LRP1B: variants seen among roughly 807,000 people sequenced by gnomAD.
The protein encoded by LRP1B is low-density lipoprotein receptor-related protein 1B.
LRP1B carries 217 observed loss-of-function variants against 556.6 expected under a neutral mutation model. The ratio of observed to expected loss-of-function variants is 0.39; its 90% CI spans 0.35 to 0.44. The LOEUF is 0.44. LRP1B is among the 20% of genes least tolerant of loss of function. LRP1B has a pLI of 1.00. For missense variants in LRP1B, 5,053 were observed against 5,620.8 expected, an observed-to-expected ratio of 0.90 and a Z score of 3.23; for synonymous variants, 2,047 against 1,865.8, an observed-to-expected ratio of 1.10 and a Z score of -2.50.
intron 40 of LRP1B, among the ~76,000 whole-genome samples, chr2:140,701,318 T>A (rs776859692): frequency 3.3e-5 from 5 of 152,134 alleles, no homozygotes; most frequent in Admixed American, 6.6e-5. Flanking sequence ...ATTAACAGCA[T>A]CACCTTTGGG....
chr2:142,115,498 TAA>T (rs1491563228), intron 1 of LRP1B, among the ~76,000 whole-genome samples: 4 of 91,134 alleles, frequency 4.4e-5, no homozygotes, highest in Non-Finnish European at 8.4e-5. Flanking sequence ...TAATTATATA[TAA>T]TATATATTAT....
At chr2:141,276,178 G>C (rs1685275854) in intron 3 of LRP1B, among the ~76,000 whole-genome samples, 1 of 152,004 alleles carries the variant, frequency 6.6e-6, no homozygotes, top group Non-Finnish European at 1.5e-5. Flanking sequence ...CAAAACACTT[G>C]TAATATTTAA....
chr2:141,648,807 C>G (rs1309236208), intron 2 of LRP1B, among the ~76,000 whole-genome samples: 1 of 152,168 alleles, frequency 6.6e-6, no homozygotes, highest in African/African-American at 2.4e-5. Flanking sequence ...ATTGCCAAAG[C>G]CTTCGAGGAC....
At chr2:141,384,530 G>T (rs1689760559) in intron 3 of LRP1B, among the ~76,000 whole-genome samples, 1 of 152,084 alleles carries the variant, frequency 6.6e-6, no homozygotes. Context: ...TTTCTGGGGT[G>T]CCAGATGAGT....
intron 2 of LRP1B, among the ~76,000 whole-genome samples, chr2:141,760,644 G>A (rs1247743936): frequency 6.6e-6 from 1 of 152,158 alleles, no homozygotes. Context: ...TTAAGGTTGG[G>A]TCATGGATTG....
intron 2 of LRP1B, among the ~76,000 whole-genome samples, chr2:141,582,524 A>C (rs1365827611): frequency 6.6e-6 from 1 of 152,216 alleles, no homozygotes; most frequent in Non-Finnish European, 1.5e-5. Flanking sequence ...CCAGAGAGAA[A>C]ATGAGAAATA....
intron 16 of LRP1B, among the ~76,000 whole-genome samples, chr2:140,991,874 A>G (rs1024072920): frequency 2.6e-5 from 4 of 152,120 alleles, no homozygotes; most frequent in Non-Finnish European, 5.9e-5. Context: ...AAAAGGGTAA[A>G]TGGATGCATA....
chr2:141,247,104 A>T, intron 5 of LRP1B, 122 bp downstream of exon 5: 1 of 1,116,196 alleles, frequency 9.0e-7, no homozygotes, highest in South Asian at 1.4e-5. Flanking sequence ...GTGTATTAAA[A>T]TGAAAGCAAA....
chr2:140,976,489 TC>T (rs1218102088), intron 18 of LRP1B, among the ~76,000 whole-genome samples: 1 of 147,060 alleles, frequency 6.8e-6, no homozygotes, highest in African/African-American at 2.6e-5. Flanking sequence ...CATTGAACTA[TC>T]TTTTTTTTTT....
At chr2:141,635,430 C>G (rs1219503977) in intron 2 of LRP1B, among the ~76,000 whole-genome samples, 1 of 152,056 alleles carries the variant, frequency 6.6e-6, no homozygotes, top group Non-Finnish European at 1.5e-5. Flanking sequence ...AAAAAAAAGT[C>G]TGCTGTATTT....
At chr2:140,514,850 C>T in intron 50 of LRP1B, 78 bp from the exon 51 acceptor site, 1 of 1,302,132 alleles carries the variant, frequency 7.7e-7, no homozygotes, top group South Asian at 2.0e-5. Flanking sequence ...AAGATTCTTT[C>T]TTAGACTTTG....
At chr2:141,116,426 C>T (rs1700900989) in intron 7 of LRP1B, among the ~76,000 whole-genome samples, 1 of 152,082 alleles carries the variant, frequency 6.6e-6, no homozygotes, top group African/African-American at 2.4e-5. Flanking sequence ...ATATGGAAGT[C>T]AAGTAATCCA....
chr2:141,816,833 C>G (rs1472397613), intron 1 of LRP1B, among the ~76,000 whole-genome samples: 1 of 151,860 alleles, frequency 6.6e-6, no homozygotes, highest in Admixed American at 6.6e-5. Flanking sequence ...TGGGATTTAC[C>G]TAACGAGCCT....
intron 14 of LRP1B, among the ~76,000 whole-genome samples, chr2:141,007,891 A>C (rs1697624838): frequency 6.6e-6 from 1 of 151,704 alleles, no homozygotes; most frequent in Non-Finnish European, 1.5e-5. Context: ...TTTTCTGTGA[A>C]TACTACATAT....
intron 1 of LRP1B, among the ~76,000 whole-genome samples, chr2:141,849,256 C>T (rs1697759596): frequency 6.6e-6 from 1 of 151,562 alleles, no homozygotes; most frequent in Non-Finnish European, 1.5e-5. Flanking sequence ...TGTATAATCA[C>T]ATTGTCTACA....
intron 3 of LRP1B, among the ~76,000 whole-genome samples, chr2:141,293,439 C>G (rs568164033): frequency 6.6e-6 from 1 of 152,250 alleles, no homozygotes; most frequent in African/African-American, 2.4e-5. Flanking sequence ...AGTAACAATT[C>G]CTGTCTTGAA....
At chr2:141,465,145 T>C (rs1438570123) in intron 3 of LRP1B, among the ~76,000 whole-genome samples, 4 of 152,076 alleles carry the variant, frequency 2.6e-5, no homozygotes, top group African/African-American at 9.7e-5. Context: ...ACAGTTAAAA[T>C]CAATGTTAAA....
In LRP1B at chr2:140,356,446, A is replaced by G. The variant is rs2105130392; in HGVS notation, c.11426T>C (p.Val3809Ala). ...ATATGCATCATCTCCACATGGATTC[A>G]CATTATCTTCACAGGTATATTCAGT... ...APTEYTCEDNVNPCGDDAYCN... is the reference protein window; with the variant it reads ...APTEYTCEDNANPCGDDAYCN... Residue 3809 changes from valine (V) to alanine (A), a missense_variant, in exon 75 of 91, where the codon GTG (valine) becomes GCG (alanine). Transcript: ENST00000389484. The G allele has an allele frequency of 6.2e-7, 1 of 1,607,192 alleles. No homozygotes were observed. Among genetic ancestry groups the G allele is most frequent in the East Asian group, 2.2e-5 (1 of 44,612 alleles).
At chr2:141,181,115 C>A (rs1462958717) in intron 7 of LRP1B, among the ~76,000 whole-genome samples, 1 of 151,864 alleles carries the variant, frequency 6.6e-6, no homozygotes, top group Non-Finnish European at 1.5e-5. Flanking sequence ...GCATGTACTC[C>A]AGTTCTGACC....
Sources: allele counts gnomAD v4.1 joint callset (sites outside exome capture counted in the v4.1 genomes callset), GRCh38; gene constraint gnomAD v4.1.1; transcripts MANE v1.5; gene names NCBI Gene and HGNC (gene_info 2026-07-23, HGNC 2026-07-21).